Variants in TMEM131L observed in about 807,000 individuals in gnomAD.
TMEM131L encodes the protein transmembrane 131 like.
Under a neutral mutation model 192.2 loss-of-function variants are expected in TMEM131L, and 54 were observed. That is an observed-to-expected ratio of 0.28 (90% CI 0.23 to 0.35). The LOEUF (loss-of-function observed/expected upper bound fraction) is 0.35, where lower values mean the gene tolerates loss of function less well. Ranked by LOEUF, TMEM131L falls within the 10% of genes least tolerant of loss-of-function variation. The pLI is 1.00. For synonymous variants in TMEM131L, 701 were observed against 704.9 expected (o/e 0.99, Z 0.09); for missense variants, 1,888 against 1,972.9 (o/e 0.96, Z 0.82).
intron 3 of TMEM131L, among the ~76,000 whole-genome samples, chr4:153,476,541 C>T (rs1344093126): frequency 6.6e-6 from 1 of 151,812 alleles, no homozygotes; most frequent in African/African-American, 2.4e-5. Context: ...ACTAAATACA[C>T]AAAAAATTAG....
chr4:153,472,109 T>C (rs1243208386), intron 2 of TMEM131L, among the ~76,000 whole-genome samples: 1 of 152,204 alleles, frequency 6.6e-6, no homozygotes, highest in African/African-American at 2.4e-5. Flanking sequence ...GTTGGGCACT[T>C]CTGGCATCAT....
chr4:153,613,907 T>C lies in TMEM131L; in HGVS notation c.3567+1507T>C, dbSNP rs72952866. ...CAAATAAAGTAGAAATGATACAAAATAAGTATGTTGCAAGCAGTCCAAACT... is the reference window on the plus strand; with the variant it reads ...CAAATAAAGTAGAAATGATACAAAACAAGTATGTTGCAAGCAGTCCAAACT... On this transcript the variant is annotated intron_variant, in intron 26 of 34. Transcript: ENST00000409959. 6.5e-3 allele frequency among the ~76,000 whole-genome samples: 989 copies of C among 152,260 alleles called. 12 individuals carry two copies. Among genetic ancestry groups the C allele is most frequent in the African/African-American group, 0.023 (936 of 41,536 alleles).
At chr4:153,484,226 A>G (rs937255899) in intron 3 of TMEM131L, among the ~76,000 whole-genome samples, 7 of 152,178 alleles carry the variant, frequency 4.6e-5, no homozygotes, top group African/African-American at 9.6e-5. Context: ...CCCCCAATCA[A>G]TTAAACAAAA....
intron 3 of TMEM131L, among the ~76,000 whole-genome samples, chr4:153,508,678 ATTT>A (rs555033353): frequency 3.6e-5 from 5 of 139,322 alleles, no homozygotes; most frequent in Admixed American, 7.2e-5. Flanking sequence ...TTTTTTTTTA[ATTT>A]TTTTTTTTTT....
chr4:153,533,134 G>T (rs767432954), intron 3 of TMEM131L, among the ~76,000 whole-genome samples: 3 of 151,956 alleles, frequency 2.0e-5, no homozygotes, highest in Non-Finnish European at 4.4e-5. Flanking sequence ...TTACAGGCAT[G>T]CACTACCACA....
chr4:153,588,272 GTTT>G (rs536641354), intron 15 of TMEM131L, among the ~76,000 whole-genome samples: 1 of 126,116 alleles, frequency 7.9e-6, no homozygotes, highest in Non-Finnish European at 1.7e-5. Context: ...CTTGTTTTGA[GTTT>G]TTTTTTTTGT....
chr4:153,605,198 A>G (rs1440259272), intron 25 of TMEM131L, among the ~76,000 whole-genome samples: 1 of 152,232 alleles, frequency 6.6e-6, no homozygotes, highest in Admixed American at 6.5e-5. Flanking sequence ...AAAAACAGTT[A>G]AGGAAAATAC....
intron 21 of TMEM131L, among the ~76,000 whole-genome samples, chr4:153,599,317 G>A (rs10023475): frequency 2.6e-5 from 4 of 151,910 alleles, no homozygotes; most frequent in Non-Finnish European, 5.9e-5. Flanking sequence ...AGAGACCACC[G>A]CCATGATCCA....
chr4:153,617,251 G>A (rs1415325282), intron 26 of TMEM131L, among the ~76,000 whole-genome samples: 1 of 152,196 alleles, frequency 6.6e-6, no homozygotes, highest in Non-Finnish European at 1.5e-5. Flanking sequence ...CTTCTGCCAT[G>A]ATTGTGAGGC....
chr4:153,605,305 A>G (rs1732145834), intron 25 of TMEM131L, among the ~76,000 whole-genome samples: 1 of 151,924 alleles, frequency 6.6e-6, no homozygotes, highest in Non-Finnish European at 1.5e-5. Flanking sequence ...GTGCTTATTT[A>G]TTTTCTTTTT....
chr4:153,581,586 A>G (rs770580253), intron 9 of TMEM131L, 26 bp downstream of exon 9: 10 of 1,478,696 alleles, frequency 6.8e-6, no homozygotes, highest in Non-Finnish European at 9.1e-6. Context: ...TAAAAATTTT[A>G]TTATATTTTC....
intron 18 of TMEM131L, among the ~76,000 whole-genome samples, chr4:153,593,124 A>G (rs1731187047): frequency 6.6e-6 from 1 of 152,230 alleles, no homozygotes; most frequent in African/African-American, 2.4e-5. Flanking sequence ...CTGAATGTAT[A>G]TTCTTGTCTA....
chr4:153,602,779 G>A, intron 23 of TMEM131L, 52 bp downstream of exon 23: 9 of 1,547,884 alleles, frequency 5.8e-6, no homozygotes, highest in African/African-American at 2.7e-5. Context: ...AAGTCATCCA[G>A]GCAAGTTGTG....
Position 153,598,577 on chromosome 4 carries a change from C to A in TMEM131L, c.2124-13C>A, listed in dbSNP as rs773166877. The stretch of plus-strand genomic sequence containing the variant: ...ATGTAATGCCTTTTTATATCTATTT[C>A]CTTTCACTACAGGAATAACTTGACT... On this transcript the variant is annotated splice_polypyrimidine_tract_variant and intron_variant, in intron 20 of 34. Transcript: ENST00000409959. 6 of 1,607,942 alleles carry A rather than the reference C, an allele frequency of 3.7e-6. No individual in the cohort carries two copies. In the South Asian group the frequency reaches 6.6e-5, roughly 18 times the overall value.
At chr4:153,628,189 G>A (rs980344722) in intron 31 of TMEM131L, among the ~76,000 whole-genome samples, 3 of 152,188 alleles carry the variant, frequency 2.0e-5, no homozygotes, top group Admixed American at 1.3e-4. Flanking sequence ...TTGGGGACCC[G>A]CCTTGCTCAG....
chr4:153,566,659 G>A lies in TMEM131L; in HGVS notation c.660+8291G>A, dbSNP rs80191059. Reference sequence around the variant, plus strand: ...ATTATAAGAAAACATGGGAAACCCAGAGAAATGAAACATTAGAAATAAACC... The same window carrying A: ...ATTATAAGAAAACATGGGAAACCCAAAGAAATGAAACATTAGAAATAAACC... On this transcript the variant is annotated intron_variant, in intron 7 of 34. Coordinates refer to ENST00000409959, the MANE Select transcript of TMEM131L (RefSeq NM_001131007.2). Among the ~76,000 whole-genome samples the A allele has an allele frequency of 2.0e-3, 310 of 152,250 alleles. 11 individuals are homozygous for A. In the East Asian group the frequency reaches 0.055, roughly 27 times the overall value.
intron 1 of TMEM131L, 28 bp downstream of exon 1, chr4:153,466,549 T>C: frequency 7.7e-7 from 1 of 1,301,352 alleles, no homozygotes; most frequent in Non-Finnish European, 9.8e-7. Flanking sequence ...GGGCTCGCTC[T>C]GCCTCTCCAC....
chr4:153,597,665 G>T (rs768070322), intron 20 of TMEM131L, among the ~76,000 whole-genome samples: 1 of 152,116 alleles, frequency 6.6e-6, no homozygotes, highest in Non-Finnish European at 1.5e-5. Context: ...AGGTGTAGTG[G>T]CTTATGCCTG....
Position 153,621,823 on chromosome 4 carries a change from G to A in TMEM131L, c.3833G>A (p.Ser1278Asn), listed in dbSNP as rs372289075. ...VCKADAEIAS[S>N]LPAAQREAEG... ...AAAGCAGATGCCGAAATTGCAAGCA[G>A]TTTACCTGCTGCCCAGAGAGAGGCA... Residue 1278 changes from serine to asparagine, a missense_variant, in exon 28 of 35, where the codon AGT becomes AAT. Ser to Asn is a conservative substitution (Grantham distance 46, BLOSUM62 1). Transcript: ENST00000409959. 5 of 1,614,024 alleles carry A rather than the reference G, an allele frequency of 3.1e-6. No individual in the cohort carries two copies. Among genetic ancestry groups the A allele is most frequent in the Non-Finnish European group, 4.2e-6 (5 of 1,180,016 alleles).
Sources: allele counts gnomAD v4.1 joint callset (sites outside exome capture counted in the v4.1 genomes callset), GRCh38; gene constraint gnomAD v4.1.1; transcripts MANE v1.5; gene names NCBI Gene and HGNC (gene_info 2026-07-23, HGNC 2026-07-21).